Variants in SEZ6L observed in about 807,000 individuals in gnomAD.
SEZ6L encodes the protein seizure related 6 homolog like.
Under a neutral mutation model 106.2 loss-of-function variants are expected in SEZ6L, and 37 were observed. That is an observed-to-expected ratio of 0.35 (90% CI 0.27 to 0.46). The LOEUF (loss-of-function observed/expected upper bound fraction) is 0.46, where lower values mean the gene tolerates loss of function less well. Among genes scored for constraint, SEZ6L ranks in the 20% least tolerant of loss-of-function variants. The pLI is 1.00. For missense variants in SEZ6L, 1,172 were observed against 1,332.8 expected (o/e 0.88, Z 1.88); for synonymous variants, 541 against 570.4 (o/e 0.95, Z 0.73).
chr22:26,375,816 T>A, intron 15 of SEZ6L, 127 bp downstream of exon 15: 1 of 648,954 alleles, frequency 1.5e-6, no homozygotes, highest in Non-Finnish European at 2.7e-6. Flanking sequence ...ATTTGTGTTA[T>A]TGCAGAGATG....
rs1489671727 is a variant in SEZ6L at position 26,313,588 on chromosome 22, ACACACACACACACACG to A, written c.1877-162_1877-147del. On this transcript the variant is annotated intron_variant, in intron 8 of 16. Coordinates refer to ENST00000248933, the MANE Select transcript of SEZ6L (RefSeq NM_021115.5). ...TTAATCATTACACACACACACACAC[ACACACACACACACACG>A]CACACACACACACGTGCTGGCTGCC... Among the ~76,000 whole-genome samples the A allele has an allele frequency of 2.4e-3, 227 of 95,982 alleles. 1 individual carries two copies. The highest frequency in any genetic ancestry group is 8.3e-3 in the African/African-American group (161 of 19,470). The allele number at this position is 95,982 out of a possible 152,430, so 63.0% of individuals were successfully genotyped here. A position where few individuals can be genotyped will look rare whatever the true frequency, so the allele number is the denominator to read the frequency against.
intron 1 of SEZ6L, among the ~76,000 whole-genome samples, chr22:26,177,439 A>G (rs567303224): frequency 2.0e-5 from 3 of 152,352 alleles, no homozygotes; most frequent in Non-Finnish European, 4.4e-5. Context: ...TTCTTTCCAA[A>G]GGAAATATTG....
intron 12 of SEZ6L, chr22:26,365,053 G>A (rs1026838101): frequency 4.7e-6 from 1 of 211,302 alleles, no homozygotes; most frequent in Non-Finnish European, 9.6e-6. Context: ...TACTTTGATC[G>A]TCGTTATGCT....
chr22:26,371,766 A>G (rs912512186), intron 13 of SEZ6L, among the ~76,000 whole-genome samples: 2 of 152,154 alleles, frequency 1.3e-5, no homozygotes, highest in African/African-American at 4.8e-5. Flanking sequence ...AAGCCCCACA[A>G]GGTCAATCAG....
At chr22:26,170,847 G>C (rs1363971631) in intron 1 of SEZ6L, among the ~76,000 whole-genome samples, 2 of 152,262 alleles carry the variant, frequency 1.3e-5, no homozygotes, top group Non-Finnish European at 2.9e-5. Flanking sequence ...TGAAGACAGA[G>C]GGAGCGCAGG....
chr22:26,285,438 CT>C (rs2080906281), intron 1 of SEZ6L, among the ~76,000 whole-genome samples: 1 of 152,062 alleles, frequency 6.6e-6, no homozygotes, highest in East Asian at 1.9e-4. Flanking sequence ...GGAAGGAAGT[CT>C]TTCTCAGTCC....
chr22:26,296,832 G>C, intron 3 of SEZ6L, 56 bp from the exon 4 acceptor site: 1 of 1,429,766 alleles, frequency 7.0e-7, no homozygotes, highest in Non-Finnish European at 9.4e-7. Flanking sequence ...ACCTTAGAAG[G>C]CTCTGTCTCA....
In SEZ6L at chr22:26,310,773, A is replaced by G; in HGVS notation, c.1618A>G (p.Ile540Val). 6.2e-7 allele frequency: 1 copy of G among 1,614,050 alleles called. No individual in the cohort carries two copies. Among genetic ancestry groups the G allele is most frequent in the Non-Finnish European group, 8.5e-7 (1 of 1,179,986 alleles). The part of the protein sequence containing the change: ...FEGLLSEGNT[I>V]RIEFTSDQAR... The stretch of plus-strand genomic sequence containing the variant: ...GGGCCTGCTGAGCGAAGGCAACACC[A>G]TCCGCATCGAGTTCACGTCCGACCA... The change falls in exon 7 of 17, where the codon ATC becomes GTC. Residue 540 changes from isoleucine (I) to valine (V), a missense_variant. By Grantham distance (29) the Ile-to-Val change is conservative. Around this residue, in one of 4 missense-constraint regions of SEZ6L, gnomAD observed 534 missense variants for 691.0 expected, o/e 0.77. Coordinates refer to ENST00000248933, the MANE Select transcript of SEZ6L (RefSeq NM_021115.5).
At chr22:26,240,370 G>A (rs1175182099) in intron 1 of SEZ6L, among the ~76,000 whole-genome samples, 1 of 152,088 alleles carries the variant, frequency 6.6e-6, no homozygotes, top group Non-Finnish European at 1.5e-5. Flanking sequence ...AGGCCTAGGT[G>A]TGATGCTGAA....
At position 26,340,561 on chromosome 22, in the gene SEZ6L, C is replaced by T. The variant is rs1237676820; in HGVS notation, c.2141C>T (p.Thr714Ile). ...QKLYSSTPDL[T>I]IQFHSDPAGL... is the part of the protein sequence containing the mutation. ...CTGTACTCCTCCACGCCAGACTTAA[C>T]CATCCAGTTCCATTCGGACCCTGCT... Residue 714 changes from threonine (T) to isoleucine (I), a missense_variant, in exon 10 of 17, where the codon ACC (threonine) becomes ATC (isoleucine). Around this residue, in one of 4 missense-constraint regions of SEZ6L, gnomAD observed 534 missense variants for 691.0 expected, o/e 0.77. Transcript: ENST00000248933. 5 of 1,614,092 alleles carry T rather than the reference C, an allele frequency of 3.1e-6. No individual in the cohort carries two copies. Among genetic ancestry groups the T allele is most frequent in the South Asian group, 1.1e-5 (1 of 91,082 alleles).
intron 3 of SEZ6L, among the ~76,000 whole-genome samples, chr22:26,294,933 C>CTCTT (rs35822818): frequency 0.015 from 1,098 of 73,502 alleles, 57 homozygotes; most frequent in East Asian, 0.09. Flanking sequence ...CTTTCTCTTT[C>CTCTT]TCTTTCTTTC....
At chr22:26,370,574 T>A (rs1464533774) in intron 13 of SEZ6L, among the ~76,000 whole-genome samples, 1 of 151,994 alleles carries the variant, frequency 6.6e-6, no homozygotes, top group Non-Finnish European at 1.5e-5. Context: ...CTCTCCTCCA[T>A]CCCTTTCTTT....
Position 26,313,864 on chromosome 22 carries a change from C to T in SEZ6L, c.1977C>T (p.His659=), listed in dbSNP as rs781687221. 3.2e-5 allele frequency: 52 copies of T among 1,610,596 alleles called. No homozygotes were observed. The highest frequency in any genetic ancestry group is 5.0e-5 in the Admixed American group (3 of 59,976). ...VEGEDCIWKI[H]VGEEKRIFLD... ...GTGAAGATTGTATCTGGAAGATCCACGTGGGAGAAGAGAAACGGATCTTCT... is the reference window on the plus strand; with the variant it reads ...GTGAAGATTGTATCTGGAAGATCCATGTGGGAGAAGAGAAACGGATCTTCT... The change falls in exon 9 of 17, where the codon CAC becomes CAT. Residue 659 remains histidine, a synonymous_variant. Transcript: ENST00000248933.
rs57017312 is a variant in SEZ6L at position 26,278,999 on chromosome 22, A to AGGAAGGAAGGAAAGAC, written c.95-13397_95-13396insAAAGACGGAAGGAAGG. On this transcript the variant is annotated intron_variant, in intron 1 of 16. Coordinates refer to ENST00000248933, the MANE Select transcript of SEZ6L (RefSeq NM_021115.5). ...GAGGGAGGGAGGGAGGAAGGAAGGA[A>AGGAAGGAAGGAAAGAC]GGAAGGAAGGGAAGGAAGGAAAGAA... is the stretch of plus-strand genomic sequence containing the variant. 3.5e-3 allele frequency among the ~76,000 whole-genome samples: 470 copies of AGGAAGGAAGGAAAGAC among 135,606 alleles called. 13 individuals carry two copies. The highest frequency in any genetic ancestry group is 9.4e-3 in the African/African-American group (339 of 36,022). The allele number at this position is 135,606 out of a possible 152,430, so 89.0% of individuals were successfully genotyped here.
At chr22:26,323,605 AAG>A (rs1352826726) in intron 9 of SEZ6L, among the ~76,000 whole-genome samples, 1 of 152,214 alleles carries the variant, frequency 6.6e-6, no homozygotes, top group Non-Finnish European at 1.5e-5. Context: ...TGTTTCTAAA[AAG>A]AGAGAGACAG....
chr22:26,189,838 C>T lies in SEZ6L; in HGVS notation c.94+20075C>T, dbSNP rs149032320. On this transcript the variant is annotated intron_variant, in intron 1 of 16. Transcript: ENST00000248933. ...TTCCACCAGGTGCGGTGGCTCACGC[C>T]GGTAATCCCAGCACTTTGGGAGGCC... Among the ~76,000 whole-genome samples the T allele has an allele frequency of 6.0e-3, 919 of 152,164 alleles. 11 individuals carry two copies. The highest frequency in any genetic ancestry group is 0.021 in the African/African-American group (854 of 41,492).
chr22:26,233,101 T>G (rs754003679), intron 1 of SEZ6L, among the ~76,000 whole-genome samples: 7 of 152,270 alleles, frequency 4.6e-5, no homozygotes, highest in Non-Finnish European at 1.0e-4. Flanking sequence ...AGTAATAGAT[T>G]TAAACAAAGT....
intron 9 of SEZ6L, among the ~76,000 whole-genome samples, chr22:26,321,541 G>A (rs574293157): frequency 5.3e-4 from 80 of 152,296 alleles, no homozygotes; most frequent in African/African-American, 1.9e-3. Flanking sequence ...GCACACACTT[G>A]GCAGAGTGGC....
chr22:26,342,498 G>A (rs978503101), intron 10 of SEZ6L, among the ~76,000 whole-genome samples: 1 of 151,218 alleles, frequency 6.6e-6, no homozygotes, highest in Non-Finnish European at 1.5e-5. Flanking sequence ...GACCATCCTG[G>A]CTAACACAGT....
Sources: allele counts gnomAD v4.1 joint callset (sites outside exome capture counted in the v4.1 genomes callset), GRCh38; gene constraint gnomAD v4.1.1; regional missense constraint gnomAD v4.1.1; transcripts MANE v1.5; gene names NCBI Gene and HGNC (gene_info 2026-07-23, HGNC 2026-07-21).